INSR: variants seen among roughly 807,000 people sequenced by gnomAD.
INSR encodes the protein insulin receptor.
A neutral mutation model predicts 142.6 loss-of-function variants in INSR; 67 were observed. The ratio of observed to expected loss-of-function variants is 0.47; its 90% confidence interval spans 0.39 to 0.58. The LOEUF (loss-of-function observed/expected upper bound fraction) is 0.58. INSR is among the 20% of genes least tolerant of loss of function. The probability of loss-of-function intolerance (pLI) is 0.00; values close to 1 mark genes in which losing one functional copy is unlikely to be tolerated. For missense variants in INSR, 1,248 were observed against 1,833.2 expected (o/e 0.68, Z 5.83); for synonymous variants, 756 against 743.1 (o/e 1.02, Z -0.28).
chr19:7,245,496 C>G (rs965850968), intron 2 of INSR, among the ~76,000 whole-genome samples: 1 of 152,142 alleles, frequency 6.6e-6, no homozygotes, highest in Non-Finnish European at 1.5e-5. Flanking sequence ...GTCACCCAGA[C>G]TCAAGTGCAG....
chr19:7,271,079 A>G (rs1238381067), intron 1 of INSR, among the ~76,000 whole-genome samples: 1 of 151,822 alleles, frequency 6.6e-6, no homozygotes, highest in Admixed American at 6.6e-5. Flanking sequence ...AAACAGAAAA[A>G]AAGGAAAGAT....
intron 13 of INSR, among the ~76,000 whole-genome samples, chr19:7,132,900 A>G (rs966225195): frequency 6.6e-6 from 1 of 151,846 alleles, no homozygotes; most frequent in South Asian, 2.1e-4. Context: ...CCTATTATCT[A>G]TTTTCTATTA....
chr19:7,218,867 A>C (rs1975515570), intron 2 of INSR, among the ~76,000 whole-genome samples: 1 of 152,078 alleles, frequency 6.6e-6, no homozygotes, highest in Non-Finnish European at 1.5e-5. Flanking sequence ...GAGCAAAGAT[A>C]ATCTGAGGAA....
Position 7,237,532 on chromosome 19 carries a change from T to C in INSR, c.652+29813A>G, listed in dbSNP as rs539585454. Among the ~76,000 whole-genome samples the C allele has an allele frequency of 1.7e-4, 23 of 132,190 alleles. No homozygotes were observed. In the East Asian group the frequency reaches 5.0e-3, roughly 29 times the overall value. The allele number at this position is 132,190 out of a possible 152,430, so 86.7% of individuals were successfully genotyped here. A position where few individuals can be genotyped will look rare whatever the true frequency, so the allele number is the denominator to read the frequency against. ...ACTCTGTCTCAAAAAAATAAATAAA[T>C]AGGCTGGGCGTGGTGGCTCACGCCT... is the stretch of plus-strand genomic sequence containing the variant. On this transcript the variant is annotated intron_variant, in intron 2 of 21. Coordinates refer to ENST00000302850, the MANE Select transcript of INSR (RefSeq NM_000208.4).
Position 7,170,755 on chromosome 19 carries a change from TG to T in INSR, c.1269-5del, listed in dbSNP as rs2144950757. The T allele has an allele frequency of 1.9e-6, 3 of 1,609,588 alleles. No homozygotes were observed. In the South Asian group the frequency reaches 3.3e-5, roughly 18 times the overall value. ...CAAGGCATAGAAGGAGTAGTTCCTA[TG>T]GAAAAAACACACACATCTAGTCATT... On this transcript the variant is annotated splice_region_variant and splice_polypyrimidine_tract_variant and intron_variant, in intron 5 of 21. Transcript: ENST00000302850.
At chr19:7,174,935 T>G (rs1407674197) in intron 3 of INSR, among the ~76,000 whole-genome samples, 2 of 152,064 alleles carry the variant, frequency 1.3e-5, no homozygotes, top group Non-Finnish European at 2.9e-5. Flanking sequence ...CTCTGCCTTC[T>G]GGGTTCAAGA....
At chr19:7,138,302 C>G (rs1599890652) in intron 13 of INSR, among the ~76,000 whole-genome samples, 1 of 152,140 alleles carries the variant, frequency 6.6e-6, no homozygotes, top group Non-Finnish European at 1.5e-5. Flanking sequence ...GATAACAACA[C>G]AAACGAACTA....
intron 13 of INSR, among the ~76,000 whole-genome samples, chr19:7,135,304 CTTTTTTTTTTTTTTTTTT>C: frequency 1.7e-5 from 1 of 60,054 alleles, no homozygotes; most frequent in African/African-American, 7.8e-5. Flanking sequence ...AATGCATCTT[CTTTTTTTTTTTTTTTTTT>C]TTTTTTTTTG....
chr19:7,231,628 T>G (rs1975983263), intron 2 of INSR, among the ~76,000 whole-genome samples: 1 of 151,948 alleles, frequency 6.6e-6, no homozygotes, highest in Admixed American at 6.6e-5. Context: ...GAGTTTAAAG[T>G]GACTGGATGT....
intron 3 of INSR, among the ~76,000 whole-genome samples, chr19:7,183,145 C>A (rs1231661537): frequency 6.6e-6 from 1 of 151,974 alleles, no homozygotes; most frequent in Non-Finnish European, 1.5e-5. Context: ...AATTTCCCAC[C>A]CCAACACTCT....
chr19:7,240,525 C>T (rs1395417190), intron 2 of INSR, among the ~76,000 whole-genome samples: 2 of 152,248 alleles, frequency 1.3e-5, no homozygotes, highest in East Asian at 1.9e-4. Context: ...GCCAAGATTG[C>T]GCCATTGCAC....
rs528422347 is a variant in INSR, at chr19:7,247,654, C to T, written c.652+19691G>A. Among the ~76,000 whole-genome samples the T allele has an allele frequency of 1.1e-4, 16 of 152,266 alleles. No individual in the cohort carries two copies. In the South Asian group the frequency reaches 3.3e-3, roughly 32 times the overall value. Reference sequence around the variant, plus strand: ...CTGAGGAAAACCTTGGAGACTGGTTCCCTTATCATGTCCTCATGATAGAAG... The same window carrying T: ...CTGAGGAAAACCTTGGAGACTGGTTTCCTTATCATGTCCTCATGATAGAAG... On this transcript the variant is annotated intron_variant, in intron 2 of 21. Transcript: ENST00000302850.
In INSR at chr19:7,174,615, T is replaced by C. The variant is rs1426569722; in HGVS notation, c.1091A>G (p.Asn364Ser). ...TCGAATGTTGATGATCAGACTCCCG[T>C]TGATGACGGTGCATCCTCGGAGCTC... ...AQELRGCTVI[N>S]GSLIINIRGG... The change falls in exon 4 of 22, where the codon AAC becomes AGC. Residue 364 changes from asparagine (N) to serine (S), a missense_variant. By Grantham distance (46) the Asn-to-Ser change is conservative. Around this residue, in one of 3 missense-constraint regions of INSR, gnomAD observed 1,069 missense variants for 1,654.0 expected, o/e 0.65. Transcript: ENST00000302850. The C allele has an allele frequency of 6.2e-7, 1 of 1,614,048 alleles. No homozygotes were observed. Among genetic ancestry groups the C allele is most frequent in the East Asian group, 2.2e-5 (1 of 44,866 alleles).
At chr19:7,224,520 C>A (rs1975719521) in intron 2 of INSR, among the ~76,000 whole-genome samples, 1 of 152,108 alleles carries the variant, frequency 6.6e-6, no homozygotes. Flanking sequence ...GGGCAGCGAG[C>A]CTCCACGAAG....
chr19:7,127,889 G>A (rs547533456), intron 15 of INSR, among the ~76,000 whole-genome samples: 20 of 151,964 alleles, frequency 1.3e-4, no homozygotes, highest in Admixed American at 1.2e-3. Flanking sequence ...GATTACAGGC[G>A]CACATCACCA....
At chr19:7,209,647 C>G (rs1381173564) in intron 2 of INSR, among the ~76,000 whole-genome samples, 2 of 151,868 alleles carry the variant, frequency 1.3e-5, no homozygotes, top group Non-Finnish European at 2.9e-5. Flanking sequence ...CTCCTGGATT[C>G]AAGCGATCCT....
chr19:7,271,797 C>T (rs1439124410), intron 1 of INSR, among the ~76,000 whole-genome samples: 1 of 151,316 alleles, frequency 6.6e-6, no homozygotes, highest in African/African-American at 2.4e-5. Context: ...ATTGCTTAAA[C>T]CCAAGAGTTC....
At chr19:7,270,720 T>C (rs1967897718) in intron 1 of INSR, among the ~76,000 whole-genome samples, 1 of 151,972 alleles carries the variant, frequency 6.6e-6, no homozygotes, top group Non-Finnish European at 1.5e-5. Context: ...ATCACACCAC[T>C]GCACTCCAGC....
Position 7,119,823 on chromosome 19 carries a change from C to T in INSR, c.3660-240G>A, listed in dbSNP as rs1972440361. 6.8e-6 allele frequency among the ~76,000 whole-genome samples: 1 copy of T among 147,108 alleles called. No homozygotes were observed. Among genetic ancestry groups the T allele is most frequent in the Non-Finnish European group, 1.5e-5 (1 of 66,484 alleles). On this transcript the variant is annotated intron_variant, in intron 20 of 21. Coordinates refer to ENST00000302850, the MANE Select transcript of INSR (RefSeq NM_000208.4). The surrounding 1 kb of genome is among the most constrained non-coding windows in gnomAD (Gnocchi z 5.2). ...ATGCAAACACACAAACACATATACA[C>T]ACACAAACACACACACCCAAACACA...
Sources: gnomAD v4.1 joint callset for allele counts (sites outside exome capture counted in the v4.1 genomes callset) on GRCh38, gnomAD v4.1.1 for gene constraint, gnomAD v4.1.1 regional missense constraint, Gnocchi (gnomAD v3.1) non-coding constraint, MANE v1.5 for transcripts, NCBI Gene and HGNC (gene_info 2026-07-23, HGNC 2026-07-21) for gene names.